The following ARFIP1 variants were observed in gnomAD, a reference collection of about 807,000 sequenced individuals.
ARFIP1 encodes arfaptin-1.
Under a neutral mutation model 42.5 loss-of-function variants are expected in ARFIP1, and 24 were observed. The observed-to-expected ratio is 0.57, with a 90% CI of 0.41 to 0.80. ARFIP1 has a LOEUF of 0.80. ARFIP1 is among the 30% of genes least tolerant of loss of function. The pLI is 0.00. For synonymous variants in ARFIP1, 141 were observed against 153.7 expected (o/e 0.92, Z 0.61); for missense variants, 354 against 434.0 (o/e 0.82, Z 1.64).
At chr4:152,904,222 C>T (rs778621941) in intron 8 of ARFIP1, among the ~76,000 whole-genome samples, 2 of 142,936 alleles carry the variant, frequency 1.4e-5, no homozygotes, top group Non-Finnish European at 3.0e-5. Context: ...AACGGAGTCT[C>T]GCTCTGTCAC....
chr4:152,788,040 A>G (rs1464523156), intron 1 of ARFIP1, among the ~76,000 whole-genome samples: 1 of 152,138 alleles, frequency 6.6e-6, no homozygotes, highest in African/African-American at 2.4e-5. Flanking sequence ...AGCCTGGCCA[A>G]CATGGTGAAA....
chr4:152,898,808 G>C (rs1737574266), intron 8 of ARFIP1, among the ~76,000 whole-genome samples: 1 of 152,152 alleles, frequency 6.6e-6, no homozygotes, highest in African/African-American at 2.4e-5. Flanking sequence ...AGAAACCCTG[G>C]ATCATATGTT....
intron 1 of ARFIP1, chr4:152,796,421 C>T (rs1731473172): frequency 6.7e-6 from 5 of 742,096 alleles, no homozygotes; most frequent in East Asian, 2.5e-5. Context: ...CTTCTTCTTT[C>T]TCTTTCCTGT....
At chr4:152,858,565 G>A (rs766157506) in intron 2 of ARFIP1, among the ~76,000 whole-genome samples, 14 of 152,228 alleles carry the variant, frequency 9.2e-5, no homozygotes, top group East Asian at 1.9e-4. Flanking sequence ...AAATAAACCC[G>A]TTATTATTGC....
chr4:152,783,936 G>T (rs936872094), intron 1 of ARFIP1, among the ~76,000 whole-genome samples: 2 of 151,942 alleles, frequency 1.3e-5, no homozygotes, highest in Non-Finnish European at 2.9e-5. Context: ...TAAGCAGATG[G>T]TGTGTGTGTA....
intron 2 of ARFIP1, among the ~76,000 whole-genome samples, chr4:152,851,811 A>C (rs182480196): frequency 6.6e-6 from 1 of 152,350 alleles, no homozygotes; most frequent in East Asian, 1.9e-4. Flanking sequence ...TTTACACTAC[A>C]GTTCAAAAGT....
chr4:152,860,131 A>G (rs994455036), intron 2 of ARFIP1, among the ~76,000 whole-genome samples: 5 of 152,180 alleles, frequency 3.3e-5, no homozygotes, highest in East Asian at 3.8e-4. Flanking sequence ...AAAGACATTA[A>G]TACTTGAAGT....
intron 8 of ARFIP1, among the ~76,000 whole-genome samples, chr4:152,902,789 T>G (rs1462457741): frequency 6.6e-6 from 1 of 152,218 alleles, no homozygotes; most frequent in Non-Finnish European, 1.5e-5. Flanking sequence ...TTGAACTTCC[T>G]CTCACCTCAC....
chr4:152,887,792 A>C (rs1050987729), intron 7 of ARFIP1, among the ~76,000 whole-genome samples: 1 of 152,010 alleles, frequency 6.6e-6, no homozygotes, highest in Non-Finnish European at 1.5e-5. Flanking sequence ...GCTTTGCCTA[A>C]TCAGTACTAA....
At chr4:152,822,727 G>A (rs1192209811) in intron 1 of ARFIP1, among the ~76,000 whole-genome samples, 1 of 152,142 alleles carries the variant, frequency 6.6e-6, no homozygotes, top group African/African-American at 2.4e-5. Context: ...TCAGATCACA[G>A]CAGAATAAAA....
intron 1 of ARFIP1, among the ~76,000 whole-genome samples, chr4:152,822,758 G>A (rs1373842314): frequency 6.6e-6 from 1 of 152,054 alleles, no homozygotes; most frequent in East Asian, 1.9e-4. Context: ...ATTCTAAAAA[G>A]AACCCAAAAC....
chr4:152,908,987 G>A lies in ARFIP1; in HGVS notation c.967-1077G>A, dbSNP rs777380171. 1.4e-4 allele frequency among the ~76,000 whole-genome samples: 21 copies of A among 150,888 alleles called. No individual in the cohort carries two copies. In the South Asian group the frequency reaches 2.1e-3, roughly 15 times the overall value. ...CTATCCTGTTTTTTCATTTAGCATC[G>A]TGTTTCAAATATTTTTACATCATTT... is the stretch of plus-strand genomic sequence containing the variant. On this transcript the variant is annotated intron_variant, in intron 8 of 8. Transcript: ENST00000353617.
intron 5 of ARFIP1, among the ~76,000 whole-genome samples, chr4:152,877,964 G>A (rs1467541716): frequency 6.6e-6 from 1 of 152,112 alleles, no homozygotes; most frequent in Non-Finnish European, 1.5e-5. Flanking sequence ...CCAGTCTCAG[G>A]TATGTCTTTA....
At chr4:152,813,438 T>G (rs1441053155) in intron 1 of ARFIP1, among the ~76,000 whole-genome samples, 1 of 152,164 alleles carries the variant, frequency 6.6e-6, no homozygotes, top group Non-Finnish European at 1.5e-5. Flanking sequence ...TCTGCGTTTT[T>G]CCTCTCCTCC....
intron 8 of ARFIP1, among the ~76,000 whole-genome samples, chr4:152,895,171 T>C (rs1477917385): frequency 6.6e-6 from 1 of 152,182 alleles, no homozygotes; most frequent in Non-Finnish European, 1.5e-5. Flanking sequence ...TAGATCTTAG[T>C]AGGGCCTAAG....
At chr4:152,873,368 A>C (rs1036567640) in intron 5 of ARFIP1, among the ~76,000 whole-genome samples, 2 of 152,206 alleles carry the variant, frequency 1.3e-5, no homozygotes, top group Non-Finnish European at 2.9e-5. Context: ...ACAGAAGTGA[A>C]TTTATTCTTT....
intron 1 of ARFIP1, among the ~76,000 whole-genome samples, chr4:152,800,395 G>T (rs1366542508): frequency 6.6e-6 from 1 of 152,056 alleles, no homozygotes; most frequent in African/African-American, 2.4e-5. Flanking sequence ...TATAGATTAG[G>T]CAACTAAAAC....
chr4:152,897,531 A>C (rs886069279), intron 8 of ARFIP1, among the ~76,000 whole-genome samples: 1 of 152,200 alleles, frequency 6.6e-6, no homozygotes, highest in African/African-American at 2.4e-5. Context: ...ACTATAGAGT[A>C]GGATTAGAGT....
intron 1 of ARFIP1, among the ~76,000 whole-genome samples, chr4:152,803,969 C>A (rs1352181134): frequency 8.8e-6 from 1 of 113,512 alleles, no homozygotes; most frequent in Non-Finnish European, 1.8e-5. Context: ...ATATATATAA[C>A]ATGTATTATA....
Sources: allele counts gnomAD v4.1 joint callset (sites outside exome capture counted in the v4.1 genomes callset), GRCh38; gene constraint gnomAD v4.1.1; transcripts MANE v1.5; gene names NCBI Gene and HGNC (gene_info 2026-07-23, HGNC 2026-07-21).